Variants in PPP2R5A observed in about 807,000 individuals in gnomAD.
The protein encoded by PPP2R5A is serine/threonine-protein phosphatase 2A 56 kDa regulatory subunit alpha isoform.
In PPP2R5A, 25 loss-of-function variants were observed where a neutral mutation model predicts 64.2. That is an observed-to-expected ratio of 0.39 (90% confidence interval 0.28 to 0.54). The LOEUF (loss-of-function observed/expected upper bound fraction) is 0.54. PPP2R5A is among the 20% of genes least tolerant of loss of function. The pLI is 0.67. For synonymous variants in PPP2R5A, 198 were observed against 201.2 expected, an observed-to-expected ratio of 0.98 and a Z score of 0.13; for missense variants, 425 against 576.3, an observed-to-expected ratio of 0.74 and a Z score of 2.69.
At chr1:212,315,221 G>C (rs189663427) in intron 1 of PPP2R5A, among the ~76,000 whole-genome samples, 146 of 152,194 alleles carry the variant, frequency 9.6e-4, no homozygotes, top group Non-Finnish European at 1.6e-3. Flanking sequence ...TATGAGCTTG[G>C]AGAATTTGTA....
chr1:212,357,659 C>T lies in PPP2R5A; in HGVS notation c.1226+375C>T, dbSNP rs565858804. Reference sequence around the variant, plus strand: ...TCTACTAAAACTACAAAAAATTAGCCGGGCGTGGTGGCGGGCGCCTGTGGT... The same window carrying T: ...TCTACTAAAACTACAAAAAATTAGCTGGGCGTGGTGGCGGGCGCCTGTGGT... On this transcript the variant is annotated intron_variant, in intron 11 of 12. Coordinates refer to ENST00000261461, the MANE Select transcript of PPP2R5A (RefSeq NM_006243.4). 6.1e-3 allele frequency among the ~76,000 whole-genome samples: 932 copies of T among 152,086 alleles called. 13 individuals are homozygous for T. The highest frequency in any genetic ancestry group is 0.021 in the African/African-American group (887 of 41,516).
In PPP2R5A at chr1:212,297,093, C is replaced by CCTCTTTT. The variant is rs1558138694; in HGVS notation, c.181+10802_181+10803insCTCTTTT. On this transcript the variant is annotated intron_variant, in intron 1 of 12. Transcript: ENST00000261461. ...ACGTTTCTTTTCTTTTTCTTTGCTT[C>CCTCTTTT]TTCTTTTTTTTTTTTTTTTTTTTTT... 6.1e-5 allele frequency among the ~76,000 whole-genome samples: 5 copies of CCTCTTTT among 81,932 alleles called. 1 individual carries two copies. Among genetic ancestry groups the CCTCTTTT allele is most frequent in the African/African-American group, 2.5e-4 (5 of 20,014 alleles). The allele number at this position is 81,932 out of a possible 152,430, so 53.8% of individuals were successfully genotyped here.
In PPP2R5A at chr1:212,286,039, C is replaced by G; in HGVS notation, c.-72C>G. On this transcript the variant is annotated 5_prime_UTR_variant, in exon 1 of 13. Coordinates refer to ENST00000261461, the MANE Select transcript of PPP2R5A (RefSeq NM_006243.4). The stretch of plus-strand genomic sequence containing the variant: ...GCACCCCGCGCCTCTCCCCCGCCTC[C>G]TCCTGCCGTCTCCGCCGCTGCCCGT... 7.0e-7 allele frequency: 1 copy of G among 1,425,964 alleles called. No homozygotes were observed. Among genetic ancestry groups the G allele is most frequent in the Non-Finnish European group, 9.2e-7 (1 of 1,091,862 alleles). The allele number at this position is 1,425,964 out of a possible 1,614,324, so 88.3% of individuals were successfully genotyped here.
intron 3 of PPP2R5A, among the ~76,000 whole-genome samples, chr1:212,337,487 A>G (rs1453714706): frequency 6.6e-6 from 1 of 152,158 alleles, no homozygotes; most frequent in Non-Finnish European, 1.5e-5. Context: ...AACTAGCAAC[A>G]TACATATATT....
intron 1 of PPP2R5A, among the ~76,000 whole-genome samples, chr1:212,314,511 T>C (rs573547046): frequency 5.3e-5 from 8 of 151,666 alleles, no homozygotes; most frequent in African/African-American, 1.7e-4. Flanking sequence ...GTCCTCCCAC[T>C]TCAGCCTCCA....
chr1:212,287,400 TTCTCATTTG>T (rs1301312712), intron 1 of PPP2R5A, among the ~76,000 whole-genome samples: 1 of 152,226 alleles, frequency 6.6e-6, no homozygotes, highest in Non-Finnish European at 1.5e-5. Flanking sequence ...GCCAGTCTGG[TTCTCATTTG>T]TCTTTGGGCC....
intron 2 of PPP2R5A, 152 bp downstream of exon 2, chr1:212,329,483 C>A: frequency 1.5e-6 from 1 of 671,704 alleles, no homozygotes; most frequent in Non-Finnish European, 2.4e-6. Context: ...TCCAATGATA[C>A]CATCATTGCA....
chr1:212,339,992 T>TAAAAAAAAGAAAA (rs1659659904), intron 3 of PPP2R5A, among the ~76,000 whole-genome samples: 1 of 72,738 alleles, frequency 1.4e-5, no homozygotes, highest in Non-Finnish European at 2.4e-5. Context: ...ACATGCTGCT[T>TAAAAAAAAGAAAA]AAAAAAAAAA....
chr1:212,358,648 C>A, intron 11 of PPP2R5A, 38 bp from the exon 12 acceptor site: 1 of 1,418,400 alleles, frequency 7.1e-7, no homozygotes, highest in Non-Finnish European at 9.9e-7. Flanking sequence ...TCTCTGTTAG[C>A]AGTATCATAA....
chr1:212,321,871 A>T (rs1659302753), intron 1 of PPP2R5A, among the ~76,000 whole-genome samples: 1 of 150,148 alleles, frequency 6.7e-6, no homozygotes, highest in Non-Finnish European at 1.5e-5. Context: ...AGCCGAGATC[A>T]TGCCACTGCA....
In PPP2R5A at chr1:212,360,736, T is replaced by C. The variant is rs762117528; in HGVS notation, c.1427T>C (p.Met476Thr). ...GAAAAACAGAATAGTGCTTACAACA[T>C]GCACAGTATTCTCAGCAATACAAGT... ...ALEKQNSAYN[M>T]HSILSNTSAE Residue 476 changes from methionine (M) to threonine (T), a missense_variant, in exon 13 of 13, where the codon ATG becomes ACG. This residue lies in a region of PPP2R5A where 177 missense variants were observed against 244.8 expected (regional missense o/e 0.72). Coordinates refer to ENST00000261461, the MANE Select transcript of PPP2R5A (RefSeq NM_006243.4). 2 of 1,588,474 alleles carry C rather than the reference T, an allele frequency of 1.3e-6. No individual in the cohort carries two copies. The highest frequency in any genetic ancestry group is 1.2e-5 in the South Asian group (1 of 85,236).
At chr1:212,316,882 CAGTTTCTTT>C (rs1360076989) in intron 1 of PPP2R5A, among the ~76,000 whole-genome samples, 2 of 152,000 alleles carry the variant, frequency 1.3e-5, no homozygotes, top group African/African-American at 4.8e-5. Flanking sequence ...TGGCACTGTT[CAGTTTCTTT>C]AGGGAAGAAC....
intron 8 of PPP2R5A, among the ~76,000 whole-genome samples, chr1:212,351,758 T>G (rs962684546): frequency 6.6e-6 from 1 of 151,956 alleles, no homozygotes; most frequent in African/African-American, 2.4e-5. Flanking sequence ...GTGGAAGAAT[T>G]AACTAAATAT....
At chr1:212,309,428 C>A in intron 1 of PPP2R5A, 1 of 1,180,710 alleles carries the variant, frequency 8.5e-7, no homozygotes. Context: ...CTGTGGACAC[C>A]TTTCAACATT....
At chr1:212,357,811 A>AAAG in intron 11 of PPP2R5A, 1 of 151,682 alleles carries the variant, frequency 6.6e-6, no homozygotes. Context: ...TCCAAAAAAA[A>AAAG]AAAAAAAGAG....
At chr1:212,360,484 A>T (rs879034829) in intron 12 of PPP2R5A, among the ~76,000 whole-genome samples, 154 bp from the exon 13 acceptor site, 2 of 152,198 alleles carry the variant, frequency 1.3e-5, no homozygotes, top group African/African-American at 4.8e-5. Context: ...ACAAGAAGAA[A>T]TTAGGTGCTC....
intron 12 of PPP2R5A, among the ~76,000 whole-genome samples, chr1:212,360,381 G>A (rs1046530774): frequency 5.9e-5 from 9 of 152,218 alleles, no homozygotes; most frequent in Non-Finnish European, 1.3e-4. Flanking sequence ...AAAGTACAGT[G>A]TCATGGTAGT....
intron 8 of PPP2R5A, among the ~76,000 whole-genome samples, chr1:212,354,108 C>T (rs543212694): frequency 7.2e-5 from 11 of 151,956 alleles, no homozygotes; most frequent in South Asian, 6.2e-4. Context: ...AGCATGAACC[C>T]GGGAGGCAGA....
In PPP2R5A at chr1:212,285,961, C is replaced by G; in HGVS notation, c.-150C>G. ...GGCGTTGGCGGGCGGCGAGGAGAAG[C>G]TCGGCGGCGTCCCGGGGCCGGAGGG... On this transcript the variant is annotated 5_prime_UTR_variant, in exon 1 of 13. Transcript: ENST00000261461. The G allele has an allele frequency of 1.4e-6, 1 of 732,490 alleles. No individual in the cohort carries two copies. The highest frequency in any genetic ancestry group is 1.9e-6 in the Non-Finnish European group (1 of 514,960). The allele number at this position is 732,490 out of a possible 1,614,324, so 45.4% of individuals were successfully genotyped here. A position where few individuals can be genotyped will look rare whatever the true frequency, so the allele number is the denominator to read the frequency against.
Sources: gnomAD v4.1 joint callset for allele counts (sites outside exome capture counted in the v4.1 genomes callset) on GRCh38, gnomAD v4.1.1 for gene constraint, gnomAD v4.1.1 regional missense constraint, MANE v1.5 for transcripts, NCBI Gene and HGNC (gene_info 2026-07-23, HGNC 2026-07-21) for gene names.